The following AFAP1 variants were observed in gnomAD, a reference collection of about 807,000 sequenced individuals.
AFAP1 encodes actin filament-associated protein 1.
Under a neutral mutation model 93.9 loss-of-function variants are expected in AFAP1, and 75 were observed. The observed-to-expected ratio is 0.80, with a 90% CI of 0.66 to 0.97. The LOEUF is 0.97. AFAP1 is among the 50% of genes least tolerant of loss of function. The pLI is 0.00. For synonymous variants in AFAP1, 517 were observed against 430.7 expected, an observed-to-expected ratio of 1.20 and a Z score of -2.48; for missense variants, 1,201 against 1,050.8, an observed-to-expected ratio of 1.14 and a Z score of -1.98.
rs556844424 is a variant in AFAP1, at chr4:7,854,583, A to G, written c.334+883T>C. Among the ~76,000 whole-genome samples the G allele has an allele frequency of 9.4e-4, 143 of 152,358 alleles. 5 individuals carry two copies. Among genetic ancestry groups the G allele is most frequent in the Admixed American group, 9.2e-3 (141 of 15,306 alleles). ...AAGTCTCTATGTGGCAGGTAACAGTATAACAACTTTGGGGAAAGGGAGAGC... is the reference window on the plus strand; with the variant it reads ...AAGTCTCTATGTGGCAGGTAACAGTGTAACAACTTTGGGGAAAGGGAGAGC... On this transcript the variant is annotated intron_variant, in intron 4 of 17. Transcript: ENST00000420658.
intron 1 of AFAP1, among the ~76,000 whole-genome samples, chr4:7,894,993 G>A (rs1718684501): frequency 6.6e-6 from 1 of 152,240 alleles, no homozygotes; most frequent in African/African-American, 2.4e-5. Context: ...GGGGCAGGTG[G>A]CACCAGGCTC....
At chr4:7,819,303 G>T in intron 6 of AFAP1, 132 bp from the exon 7 acceptor site, 1 of 695,904 alleles carries the variant, frequency 1.4e-6, no homozygotes. Context: ...CTGGCTCTGA[G>T]TTCCAGCGTG....
intron 3 of AFAP1, among the ~76,000 whole-genome samples, chr4:7,860,997 C>T (rs1412135758): frequency 6.6e-6 from 1 of 152,198 alleles, no homozygotes; most frequent in Non-Finnish European, 1.5e-5. Flanking sequence ...CCTACCCCTG[C>T]CCCATCTGTT....
intron 4 of AFAP1, among the ~76,000 whole-genome samples, chr4:7,847,018 G>A (rs76420570): frequency 0.033 from 5,044 of 152,272 alleles, 127 homozygotes; most frequent in Non-Finnish European, 0.052. Context: ...AGACAATTAA[G>A]TTCATTGTCT....
At chr4:7,846,865 G>A (rs1713767216) in intron 4 of AFAP1, among the ~76,000 whole-genome samples, 2 of 152,180 alleles carry the variant, frequency 1.3e-5, no homozygotes, top group East Asian at 1.9e-4. Context: ...CGAAGACTAC[G>A]AGATTCATCC....
intron 16 of AFAP1, among the ~76,000 whole-genome samples, chr4:7,770,534 G>T (rs556274565): frequency 1.3e-4 from 20 of 152,188 alleles, no homozygotes; most frequent in Non-Finnish European, 2.1e-4. Context: ...AGGCAAGAAC[G>T]CAGGGCAAGG....
chr4:7,771,897 G>T (rs1302985474), intron 16 of AFAP1, among the ~76,000 whole-genome samples: 2 of 152,134 alleles, frequency 1.3e-5, no homozygotes, highest in East Asian at 1.9e-4. Context: ...GAGAAGGGGA[G>T]AGTAAGGAAG....
chr4:7,854,365 C>T (rs1304349694), intron 4 of AFAP1, among the ~76,000 whole-genome samples: 1 of 152,186 alleles, frequency 6.6e-6, no homozygotes, highest in Non-Finnish European at 1.5e-5. Flanking sequence ...GACAGGCAAG[C>T]GGGAGCAGCT....
rs1195209480 is a variant in AFAP1, at chr4:7,873,242, C to CAA, written c.-2-1164_-2-1163dup. Among the ~76,000 whole-genome samples, 415 of 64,100 alleles carry CAA rather than the reference C, an allele frequency of 6.5e-3. 11 individuals are homozygous for CAA. The highest frequency in any genetic ancestry group is 0.017 in the African/African-American group (254 of 15,174). The allele number at this position is 64,100 out of a possible 152,430, so 42.1% of individuals were successfully genotyped here. On this transcript the variant is annotated intron_variant, in intron 1 of 17. Coordinates refer to ENST00000420658, the MANE Select transcript of AFAP1 (RefSeq NM_001134647.2). ...TGGGCGACAGTGGGAGACTCTGTCT[C>CAA]AAAAAAAAAAAAAAAAAAACCCCAC...
intron 10 of AFAP1, chr4:7,799,182 C>G: frequency 1.4e-6 from 1 of 729,468 alleles, no homozygotes; most frequent in Non-Finnish European, 1.7e-6. Context: ...TGGAACCCAG[C>G]TGTCCCAAGC....
intron 9 of AFAP1, among the ~76,000 whole-genome samples, chr4:7,803,865 C>A (rs1457813827): frequency 6.6e-6 from 1 of 152,108 alleles, no homozygotes; most frequent in Non-Finnish European, 1.5e-5. Context: ...ATTTTCCCCC[C>A]AAAAAAATCC....
At chr4:7,913,602 C>G (rs1431546510) in intron 1 of AFAP1, among the ~76,000 whole-genome samples, 1 of 152,078 alleles carries the variant, frequency 6.6e-6, no homozygotes, top group East Asian at 1.9e-4. Context: ...GCCTGGACAA[C>G]AACTAAAAAT....
At chr4:7,883,771 T>C (rs1057246010) in intron 1 of AFAP1, among the ~76,000 whole-genome samples, 1 of 152,142 alleles carries the variant, frequency 6.6e-6, no homozygotes, top group Non-Finnish European at 1.5e-5. Context: ...GCGCAAAACT[T>C]ACATAGGGAA....
At chr4:7,807,705 G>A (rs1719649097) in intron 9 of AFAP1, among the ~76,000 whole-genome samples, 1 of 152,210 alleles carries the variant, frequency 6.6e-6, no homozygotes, top group Non-Finnish European at 1.5e-5. Context: ...CGCCTTCACT[G>A]CTGTCTGCCC....
At position 7,939,252 on chromosome 4, in the gene AFAP1, G is replaced by A. The variant is rs1222361195; in HGVS notation, c.-3+404C>T. On this transcript the variant is annotated intron_variant, in intron 1 of 17. Transcript: ENST00000420658. This position sits in a 1 kb window ranked among gnomAD's most constrained non-coding sequence, Gnocchi z 5.6. ...CAGTCCCCTCGGTAAGTCGGACGAAGCAGTCTCGCTACGGGGGAGGGCGGC... is the reference window on the plus strand; with the variant it reads ...CAGTCCCCTCGGTAAGTCGGACGAAACAGTCTCGCTACGGGGGAGGGCGGC... 1 of 287,538 alleles carries A rather than the reference G, an allele frequency of 3.5e-6. No individual in the cohort carries two copies. Among genetic ancestry groups the A allele is most frequent in the South Asian group, 2.7e-5 (1 of 36,666 alleles). The allele number at this position is 287,538 out of a possible 1,614,324, so 17.8% of individuals were successfully genotyped here. A position where few individuals can be genotyped will look rare whatever the true frequency, so the allele number is the denominator to read the frequency against.
intron 9 of AFAP1, among the ~76,000 whole-genome samples, chr4:7,803,712 T>C (rs964682515): frequency 1.3e-5 from 2 of 152,376 alleles, no homozygotes; most frequent in Middle Eastern, 3.4e-3. Flanking sequence ...TCTCATGGTG[T>C]CTTCTTCCCT....
intron 9 of AFAP1, among the ~76,000 whole-genome samples, chr4:7,801,150 A>T (rs1324685280): frequency 6.6e-6 from 1 of 152,224 alleles, no homozygotes; most frequent in Non-Finnish European, 1.5e-5. Flanking sequence ...ACTTTCCAAG[A>T]AATAGGAGGC....
intron 14 of AFAP1, chr4:7,776,147 C>T (rs1202748689): frequency 6.6e-6 from 1 of 152,206 alleles, no homozygotes; most frequent in African/African-American, 2.4e-5. Flanking sequence ...CTGAAGGCAA[C>T]TCCCAGGCCT....
At chr4:7,874,530 ATTTTTTTTTTTTTT>A (rs71175435) in intron 1 of AFAP1, among the ~76,000 whole-genome samples, 13,486 of 52,162 alleles carry the variant, frequency 0.26, 1,327 homozygotes, top group South Asian at 0.4. Flanking sequence ...TGCCCAGCTA[ATTTTTTTTTTTTTT>A]TTTTTTTTTT....
Sources: gnomAD v4.1 joint callset for allele counts (sites outside exome capture counted in the v4.1 genomes callset) on GRCh38, gnomAD v4.1.1 for gene constraint, Gnocchi (gnomAD v3.1) non-coding constraint, MANE v1.5 for transcripts, NCBI Gene and HGNC (gene_info 2026-07-23, HGNC 2026-07-21) for gene names.